Variants in UTP11 observed in about 807,000 individuals in gnomAD.
UTP11 encodes the protein probable U3 small nucleolar RNA-associated protein 11.
In UTP11, 29 loss-of-function variants were observed where a neutral mutation model predicts 39.0. That is an observed-to-expected ratio of 0.74 (90% CI 0.55 to 1.01). The LOEUF is 1.01. UTP11 is among the 50% of genes least tolerant of loss of function. The probability of loss-of-function intolerance (pLI) is 0.00; values close to 1 mark genes in which losing one functional copy is unlikely to be tolerated. For synonymous variants in UTP11, 111 were observed against 105.0 expected (o/e 1.06, Z -0.35); for missense variants, 281 against 306.0 (o/e 0.92, Z 0.61).
At chr1:38,021,196 C>T (rs1326142379) in intron 6 of UTP11, among the ~76,000 whole-genome samples, 2 of 152,152 alleles carry the variant, frequency 1.3e-5, no homozygotes, top group East Asian at 1.9e-4. Flanking sequence ...GCAGGGATTA[C>T]AGGCGTGAGC....
intron 6 of UTP11, 72 bp from the exon 7 acceptor site, chr1:38,022,627 A>T: frequency 9.5e-7 from 1 of 1,049,164 alleles, no homozygotes; most frequent in Non-Finnish European, 1.5e-6. Flanking sequence ...GCTTAAATGG[A>T]TTAAGAAACA....
intron 6 of UTP11, among the ~76,000 whole-genome samples, chr1:38,022,282 G>A (rs1415834374): frequency 1.3e-5 from 2 of 152,170 alleles, no homozygotes. Context: ...TGAGCTGTGT[G>A]TCCTTGGACC....
At chr1:38,014,560 C>T (rs1646696744) in intron 1 of UTP11, among the ~76,000 whole-genome samples, 2 of 152,160 alleles carry the variant, frequency 1.3e-5, no homozygotes, top group South Asian at 2.1e-4. Flanking sequence ...CTTTTTTGAC[C>T]CTTTAGCTTG....
chr1:38,019,019 A>G, intron 4 of UTP11, 40 bp from the exon 5 acceptor site: 2 of 1,494,830 alleles, frequency 1.3e-6, no homozygotes, highest in South Asian at 1.2e-5. Context: ...GGTACCCTAG[A>G]AGAATCTAAT....
At chr1:38,017,839 G>A (rs1447130468) in intron 3 of UTP11, 69 bp downstream of exon 3, 3 of 1,357,770 alleles carry the variant, frequency 2.2e-6, no homozygotes, top group Non-Finnish European at 3.1e-6. Context: ...GGGAGGAGAT[G>A]GAGAGGAAGA....
chr1:38,018,800 T>C (rs1036714283), intron 4 of UTP11, among the ~76,000 whole-genome samples: 6 of 152,200 alleles, frequency 3.9e-5, no homozygotes, highest in Admixed American at 3.9e-4. Flanking sequence ...ACTAGCCCCA[T>C]GACAATGGGC....
intron 1 of UTP11, among the ~76,000 whole-genome samples, chr1:38,015,915 AG>A (rs1646704930): frequency 6.6e-6 from 1 of 152,246 alleles, no homozygotes; most frequent in Non-Finnish European, 1.5e-5. Flanking sequence ...GACATGCCCA[AG>A]GTCACAGATT....
rs193053482 is a variant in UTP11, at chr1:38,023,817, G to C, written c.*189G>C. ...TCCCTTCTGTAATTGTTTTTGGATT[G>C]TGAAATTAGTCTTATTTTTATATAC... is the stretch of plus-strand genomic sequence containing the variant. On this transcript the variant is annotated 3_prime_UTR_variant, in exon 8 of 8. Transcript: ENST00000373014. 5 of 447,938 alleles carry C rather than the reference G, an allele frequency of 1.1e-5. No individual in the cohort carries two copies. The East Asian group carries it at 1.8e-4, about 16-fold the overall frequency. The allele number at this position is 447,938 out of a possible 1,614,324, so 27.7% of individuals were successfully genotyped here. A position where few individuals can be genotyped will look rare whatever the true frequency, so the allele number is the denominator to read the frequency against.
At chr1:38,018,423 T>G (rs1646717999) in intron 3 of UTP11, 41 bp from the exon 4 acceptor site, 17 of 1,469,536 alleles carry the variant, frequency 1.2e-5, no homozygotes, top group Non-Finnish European at 1.5e-5. Flanking sequence ...ATTAATGATT[T>G]TAATCTAATA....
chr1:38,019,221 G>T (rs1386825149), intron 5 of UTP11, 32 bp from the exon 6 acceptor site: 2 of 1,613,844 alleles, frequency 1.2e-6, no homozygotes, highest in Admixed American at 3.3e-5. Context: ...GTTAGAAACC[G>T]ACAGTGCCTT....
chr1:38,022,560 G>T, intron 6 of UTP11, 139 bp from the exon 7 acceptor site: 1 of 632,106 alleles, frequency 1.6e-6, no homozygotes. Flanking sequence ...CAACGTTATT[G>T]TTACCACGTT....
In UTP11 at chr1:38,023,910, T is replaced by C; in HGVS notation, c.*282T>C. On this transcript the variant is annotated 3_prime_UTR_variant, in exon 8 of 8. Transcript: ENST00000373014. Reference sequence around the variant, plus strand: ...TGGAAGTGCAGTGTGTGATTATGGCTCACTGCAACTTTGAACTCCTGGGCT... The same window carrying C: ...TGGAAGTGCAGTGTGTGATTATGGCCCACTGCAACTTTGAACTCCTGGGCT... The C allele has an allele frequency of 4.6e-6, 1 of 219,470 alleles. No individual in the cohort carries two copies. Among genetic ancestry groups the C allele is most frequent in the Non-Finnish European group, 8.9e-6 (1 of 112,146 alleles). 13.6% of individuals were successfully genotyped at this position (219,470 alleles called of 1,614,324 possible).
chr1:38,018,992 AG>A, intron 4 of UTP11, 66 bp from the exon 5 acceptor site: 2 of 1,076,182 alleles, frequency 1.9e-6, no homozygotes, highest in Non-Finnish European at 2.7e-6. Context: ...AAACTTTTGC[AG>A]TTTTTTTTTT....
chr1:38,014,091 T>G (rs1293480303), intron 1 of UTP11, among the ~76,000 whole-genome samples: 2 of 152,228 alleles, frequency 1.3e-5, no homozygotes, highest in Non-Finnish European at 2.9e-5. Flanking sequence ...CATGTAATCC[T>G]ACAACATCCC....
intron 1 of UTP11, among the ~76,000 whole-genome samples, chr1:38,013,185 C>T (rs1646688142): frequency 6.6e-6 from 1 of 152,186 alleles, no homozygotes; most frequent in African/African-American, 2.4e-5. Context: ...GGTCAGAGCT[C>T]ATGTAGGCAA....
chr1:38,017,827 C>T, intron 3 of UTP11, 57 bp downstream of exon 3: 1 of 1,419,360 alleles, frequency 7.0e-7, no homozygotes, highest in Non-Finnish European at 9.7e-7. Flanking sequence ...AAAATAAGGA[C>T]AGGGAGGAGA....
At chr1:38,021,887 C>T (rs1047970444) in intron 6 of UTP11, among the ~76,000 whole-genome samples, 3 of 150,638 alleles carry the variant, frequency 2.0e-5, no homozygotes, top group Non-Finnish European at 4.4e-5. Flanking sequence ...AGCAAGACTC[C>T]GCCTCAGAAA....
rs770452428 is a variant in UTP11, at chr1:38,019,043, A to G, written c.343-16A>G. The G allele has an allele frequency of 6.9e-6, 11 of 1,601,666 alleles. No individual in the cohort carries two copies. The highest frequency in any genetic ancestry group is 1.3e-5 in the African/African-American group (1 of 74,180). ...GAAGAATCTAATATAAAGTGAGACC[A>G]TATTCTGTGTTCTAGAAAATCGAAA... On this transcript the variant is annotated splice_polypyrimidine_tract_variant and intron_variant, in intron 4 of 7. Coordinates refer to ENST00000373014, the MANE Select transcript of UTP11 (RefSeq NM_016037.4).
chr1:38,023,432 C>A, intron 7 of UTP11, 113 bp from the exon 8 acceptor site: 1 of 859,290 alleles, frequency 1.2e-6, no homozygotes, highest in Non-Finnish European at 1.8e-6. Context: ...GGGCTGTGTC[C>A]GTTCTCAACT....
Sources: allele counts gnomAD v4.1 joint callset (sites outside exome capture counted in the v4.1 genomes callset), GRCh38; gene constraint gnomAD v4.1.1; transcripts MANE v1.5; gene names NCBI Gene and HGNC (gene_info 2026-07-23, HGNC 2026-07-21).